Variants in GRIK1 observed in about 807,000 individuals in gnomAD.
GRIK1 encodes glutamate ionotropic receptor kainate type subunit 1, also known as glutamate receptor ionotropic, kainate 1.
In GRIK1, 69 loss-of-function variants were observed where a neutral mutation model predicts 105.7. The observed-to-expected ratio is 0.65, with a 90% CI of 0.54 to 0.80. GRIK1 has a LOEUF of 0.80. Ranked by LOEUF, GRIK1 falls within the 30% of genes least tolerant of loss-of-function variation. GRIK1 has a pLI of 0.00. For synonymous variants in GRIK1, 438 were observed against 431.3 expected (o/e 1.02, Z -0.19); for missense variants, 1,109 against 1,167.3 (o/e 0.95, Z 0.73).
At chr21:29,650,807 C>G (rs538982966) in intron 6 of GRIK1, among the ~76,000 whole-genome samples, 1 of 152,206 alleles carries the variant, frequency 6.6e-6, no homozygotes, top group Non-Finnish European at 1.5e-5. Flanking sequence ...CCACCAGCCA[C>G]CTTCCCCACA....
intron 1 of GRIK1, among the ~76,000 whole-genome samples, chr21:29,743,651 A>G (rs1191694379): frequency 6.6e-6 from 1 of 152,124 alleles, no homozygotes; most frequent in East Asian, 1.9e-4. Context: ...GCTGAGATGG[A>G]GCCACTGCAC....
At position 29,939,636 on chromosome 21, in the gene GRIK1, C is replaced by A. The variant is rs868444269; in HGVS notation, c.-136G>T. ...AGCACGCTGCGCGCTCCCCACGGAG[C>A]GAGCTCGAGGGAACCCGCGTGGGAC... On this transcript the variant is annotated 5_prime_UTR_variant, in exon 1 of 18. Coordinates refer to ENST00000327783, the MANE Select transcript of GRIK1 (RefSeq NM_001330994.2). 3.8e-5 allele frequency: 22 copies of A among 578,118 alleles called. No homozygotes were observed. The highest frequency in any genetic ancestry group is 5.6e-5 in the Non-Finnish European group (19 of 340,480). 35.8% of individuals were successfully genotyped at this position (578,118 alleles called of 1,614,324 possible).
chr21:29,766,118 G>A (rs1012229609), intron 1 of GRIK1, among the ~76,000 whole-genome samples: 1 of 151,944 alleles, frequency 6.6e-6, no homozygotes, highest in Non-Finnish European at 1.5e-5. Flanking sequence ...AAAAGTGCTG[G>A]GATTACAGGC....
In GRIK1 at chr21:29,564,140, CATTT is replaced by C. The variant is rs572566708; in HGVS notation, c.2131-2295_2131-2292del. ...TATGAAACATTAAATTTTTTCACCA[CATTT>C]ATTTATTTATTTATTTTTTTTGAGA... On this transcript the variant is annotated intron_variant, in intron 14 of 17. Transcript: ENST00000327783. Among the ~76,000 whole-genome samples, 631 of 152,198 alleles carry C rather than the reference CATTT, an allele frequency of 4.1e-3. 4 individuals carry two copies. Among genetic ancestry groups the C allele is most frequent in the African/African-American group, 0.014 (589 of 41,494 alleles).
chr21:29,860,998 G>GTT (rs530044419), intron 1 of GRIK1, among the ~76,000 whole-genome samples: 2 of 146,582 alleles, frequency 1.4e-5, no homozygotes, highest in African/African-American at 5.0e-5. Context: ...ATTTCATCTG[G>GTT]TTTTTTTTTT....
At chr21:29,766,588 T>A (rs2065674292) in intron 1 of GRIK1, among the ~76,000 whole-genome samples, 1 of 152,206 alleles carries the variant, frequency 6.6e-6, no homozygotes, top group Admixed American at 6.5e-5. Context: ...AAAACCAGCA[T>A]TGTTGCATCC....
intron 1 of GRIK1, among the ~76,000 whole-genome samples, chr21:29,823,765 G>A (rs1035189047): frequency 1.4e-4 from 22 of 151,852 alleles, no homozygotes; most frequent in African/African-American, 5.3e-4. Flanking sequence ...TTTAACCTGT[G>A]CTATTTCTTG....
At chr21:29,763,278 C>A (rs536288307) in intron 1 of GRIK1, among the ~76,000 whole-genome samples, 2 of 152,302 alleles carry the variant, frequency 1.3e-5, no homozygotes, top group African/African-American at 4.8e-5. Flanking sequence ...GAAGAAGATG[C>A]CTGCTTCCCC....
At chr21:29,783,894 C>T (rs182776300) in intron 1 of GRIK1, among the ~76,000 whole-genome samples, 78 of 152,286 alleles carry the variant, frequency 5.1e-4, no homozygotes, top group Middle Eastern at 6.8e-3. Context: ...CCATATCAAT[C>T]AGCCCTATGA....
intron 7 of GRIK1, among the ~76,000 whole-genome samples, chr21:29,636,887 A>G (rs536199534): frequency 4.6e-5 from 7 of 152,246 alleles, no homozygotes; most frequent in African/African-American, 1.7e-4. Context: ...ACAACTTCCA[A>G]TTGTCTTTCC....
chr21:29,827,319 T>A (rs1206343669), intron 1 of GRIK1, among the ~76,000 whole-genome samples: 1 of 152,052 alleles, frequency 6.6e-6, no homozygotes, highest in Non-Finnish European at 1.5e-5. Flanking sequence ...TAAAACCTAA[T>A]AGAAGAACAG....
rs73186450 is a variant in GRIK1 at position 29,752,591 on chromosome 21, C to T, written c.119-58528G>A. On this transcript the variant is annotated intron_variant, in intron 1 of 17. Coordinates refer to ENST00000327783, the MANE Select transcript of GRIK1 (RefSeq NM_001330994.2). ...CTGTAATATCAACATTTTGAGAGGCCGAGGTGGGAGGATCACTGGAGGCCA... is the reference window on the plus strand; with the variant it reads ...CTGTAATATCAACATTTTGAGAGGCTGAGGTGGGAGGATCACTGGAGGCCA... 9.2e-3 allele frequency among the ~76,000 whole-genome samples: 1,396 copies of T among 151,958 alleles called. 7 individuals carry two copies. The highest frequency in any genetic ancestry group is 0.014 in the Non-Finnish European group (930 of 67,996).
At chr21:29,711,597 T>C (rs947238195) in intron 1 of GRIK1, among the ~76,000 whole-genome samples, 4 of 152,112 alleles carry the variant, frequency 2.6e-5, no homozygotes, top group African/African-American at 9.7e-5. Flanking sequence ...GGGTCTCTGC[T>C]TCCATGCAAT....
intron 14 of GRIK1, among the ~76,000 whole-genome samples, chr21:29,567,327 TA>T (rs1432988202): frequency 6.6e-6 from 1 of 152,194 alleles, no homozygotes; most frequent in Non-Finnish European, 1.5e-5. Context: ...GTTTCTTTTT[TA>T]TTGAGATAAC....
At chr21:29,937,840 C>T (rs2071822571) in intron 1 of GRIK1, among the ~76,000 whole-genome samples, 1 of 151,096 alleles carries the variant, frequency 6.6e-6, no homozygotes, top group Non-Finnish European at 1.5e-5. Context: ...ATTGCATTCC[C>T]AAAAACCCAG....
chr21:29,874,676 A>G (rs914078673), intron 1 of GRIK1, among the ~76,000 whole-genome samples: 5 of 152,206 alleles, frequency 3.3e-5, no homozygotes, highest in East Asian at 1.9e-4. Flanking sequence ...GGGAGAGAAT[A>G]GAGTATGGAC....
At chr21:29,650,927 TA>T (rs1394988145) in intron 6 of GRIK1, among the ~76,000 whole-genome samples, 190 bp downstream of exon 6, 3 of 152,212 alleles carry the variant, frequency 2.0e-5, no homozygotes, top group Non-Finnish European at 2.9e-5. Context: ...TCCAGGAAGC[TA>T]AAAGTAGCAG....
intron 1 of GRIK1, among the ~76,000 whole-genome samples, chr21:29,818,708 CA>C (rs2067220584): frequency 6.6e-6 from 1 of 152,072 alleles, no homozygotes; most frequent in Non-Finnish European, 1.5e-5. Flanking sequence ...ATACCACTGG[CA>C]CACACAAGGA....
intron 1 of GRIK1, among the ~76,000 whole-genome samples, chr21:29,881,939 T>C (rs572220496): frequency 6.6e-6 from 1 of 152,258 alleles, no homozygotes; most frequent in South Asian, 2.1e-4. Context: ...GTTTGCTTTT[T>C]CTATTCACTA....
Sources: gnomAD v4.1 joint callset for allele counts (sites outside exome capture counted in the v4.1 genomes callset) on GRCh38, gnomAD v4.1.1 for gene constraint, MANE v1.5 for transcripts, NCBI Gene and HGNC (gene_info 2026-07-23, HGNC 2026-07-21) for gene names.